ARHGEF3: variants seen among roughly 807,000 people sequenced by gnomAD.
The protein encoded by ARHGEF3 is 59.8 kDA protein.
Under a neutral mutation model 63.2 loss-of-function variants are expected in ARHGEF3, and 28 were observed. That is an observed-to-expected ratio of 0.44 (90% CI 0.33 to 0.61). The LOEUF (loss-of-function observed/expected upper bound fraction) is 0.61. ARHGEF3 is among the 20% of genes least tolerant of loss of function. The probability of loss-of-function intolerance (pLI) is 0.03; values close to 1 mark genes in which losing one functional copy is unlikely to be tolerated. For synonymous variants in ARHGEF3, 266 were observed against 254.2 expected (o/e 1.05, Z -0.44); for missense variants, 533 against 659.3 (o/e 0.81, Z 2.10).
At chr3:57,031,833 A>G (rs1703747759) in intron 2 of ARHGEF3, among the ~76,000 whole-genome samples, 1 of 152,190 alleles carries the variant, frequency 6.6e-6, no homozygotes, top group Admixed American at 6.5e-5. Flanking sequence ...AAAGAGCCAG[A>G]GCCAGACCCT....
chr3:56,809,244 A>C (rs1365312917), intron 4 of ARHGEF3, among the ~76,000 whole-genome samples: 3 of 152,214 alleles, frequency 2.0e-5, no homozygotes, highest in Admixed American at 1.3e-4. Context: ...AGGGGACAGA[A>C]AACTGTCTTA....
chr3:57,013,945 A>T (rs771798892), intron 2 of ARHGEF3, among the ~76,000 whole-genome samples: 2 of 152,150 alleles, frequency 1.3e-5, no homozygotes, highest in Admixed American at 6.5e-5. Context: ...GTCAATTTCC[A>T]CTCTGGGGAA....
intron 3 of ARHGEF3, among the ~76,000 whole-genome samples, chr3:56,943,213 A>G (rs73086374): frequency 0.12 from 17,561 of 152,252 alleles, 1,274 homozygotes; most frequent in East Asian, 0.25. Flanking sequence ...CTTGGCTTCA[A>G]AGCTTCAAAG....
At chr3:56,857,677 A>G (rs2039932109) in intron 4 of ARHGEF3, among the ~76,000 whole-genome samples, 1 of 152,222 alleles carries the variant, frequency 6.6e-6, no homozygotes, top group Non-Finnish European at 1.5e-5. Context: ...ATAACACCAA[A>G]GAAGCGGGGA....
At chr3:57,014,372 C>T (rs1175804314) in intron 2 of ARHGEF3, among the ~76,000 whole-genome samples, 3 of 152,178 alleles carry the variant, frequency 2.0e-5, no homozygotes, top group Non-Finnish European at 2.9e-5. Flanking sequence ...CAGCACCTTC[C>T]TTCCAAACCA....
chr3:56,914,370 C>A (rs897881408), intron 3 of ARHGEF3, among the ~76,000 whole-genome samples: 1 of 152,162 alleles, frequency 6.6e-6, no homozygotes, highest in Admixed American at 6.5e-5. Flanking sequence ...CAACCCAAGG[C>A]CCATCCAAGG....
chr3:56,889,702 A>G (rs1203444943), intron 3 of ARHGEF3, among the ~76,000 whole-genome samples: 6 of 152,238 alleles, frequency 3.9e-5, no homozygotes, highest in East Asian at 1.9e-4. Flanking sequence ...CTCTTTGTAC[A>G]TTGTTTAAAA....
intron 2 of ARHGEF3, among the ~76,000 whole-genome samples, chr3:56,768,847 G>A (rs1244402045): frequency 6.6e-6 from 1 of 152,202 alleles, no homozygotes; most frequent in Non-Finnish European, 1.5e-5. Context: ...GGCTGAGACT[G>A]ACAGAGATGC....
At chr3:56,804,876 C>T (rs2037804630), upstream of ARHGEF3, among the ~76,000 whole-genome samples, 1 of 152,200 alleles carries the variant, frequency 6.6e-6, no homozygotes, top group Admixed American at 6.5e-5. Context: ...CAGCCAAAGG[C>T]AGGGCCAGAG....
intron 3 of ARHGEF3, among the ~76,000 whole-genome samples, chr3:56,931,743 C>G (rs761933932): frequency 3.9e-5 from 6 of 152,132 alleles, no homozygotes; most frequent in African/African-American, 1.4e-4. Context: ...AAAGTACTGT[C>G]CCAAGCAAGC....
intron 1 of ARHGEF3, among the ~76,000 whole-genome samples, chr3:57,043,237 C>CTCCT (rs1453761618): frequency 2.0e-5 from 3 of 152,044 alleles, no homozygotes; most frequent in Admixed American, 6.5e-5. Context: ...CTGCCTCAGC[C>CTCCT]TCCTGAGTAG....
chr3:56,916,021 A>G (rs937693227), intron 3 of ARHGEF3, among the ~76,000 whole-genome samples: 2 of 152,126 alleles, frequency 1.3e-5, no homozygotes, highest in African/African-American at 2.4e-5. Flanking sequence ...CACTTATGCT[A>G]AAGGAGGCCC....
intron 4 of ARHGEF3, among the ~76,000 whole-genome samples, chr3:56,833,509 GCTCC>G (rs2038998107): frequency 6.6e-6 from 1 of 152,070 alleles, no homozygotes; most frequent in Non-Finnish European, 1.5e-5. Flanking sequence ...TTGTTTTTGA[GCTCC>G]CTCCATGTTG....
intron 2 of ARHGEF3, among the ~76,000 whole-genome samples, chr3:56,773,158 G>T (rs989543967): frequency 3.9e-5 from 6 of 152,182 alleles, no homozygotes; most frequent in African/African-American, 1.4e-4. Context: ...GATGGGCATG[G>T]CTATGTTCCA....
At chr3:56,882,579 T>C (rs2040806735) in intron 3 of ARHGEF3, among the ~76,000 whole-genome samples, 1 of 146,312 alleles carries the variant, frequency 6.8e-6, no homozygotes, top group Non-Finnish European at 1.5e-5. Context: ...GGTGCGGTGG[T>C]CTGATCTTGG....
At chr3:57,006,909 C>A (rs754942002) in intron 2 of ARHGEF3, among the ~76,000 whole-genome samples, 16 of 152,166 alleles carry the variant, frequency 1.1e-4, no homozygotes, top group Non-Finnish European at 2.1e-4. Context: ...GATGGCACAA[C>A]CCTGCTTAGG....
chr3:56,761,523 A>G (rs903133064), intron 2 of ARHGEF3, among the ~76,000 whole-genome samples: 6 of 152,056 alleles, frequency 3.9e-5, no homozygotes, highest in Non-Finnish European at 8.8e-5. Context: ...ATAGAAGGTA[A>G]ACTCCTTGAA....
chr3:56,741,663 C>T (rs1264612634), intron 7 of ARHGEF3, among the ~76,000 whole-genome samples: 1 of 151,814 alleles, frequency 6.6e-6, no homozygotes, highest in African/African-American at 2.4e-5. Context: ...GCCACCACGC[C>T]CAGCTAATTT....
At chr3:56,774,463 C>T (rs2036181655) in intron 1 of ARHGEF3, among the ~76,000 whole-genome samples, 1 of 152,188 alleles carries the variant, frequency 6.6e-6, no homozygotes, top group South Asian at 2.1e-4. Context: ...ACATCGGTTT[C>T]TATACTATAT....
Sources: gnomAD v4.1 joint callset for allele counts (sites outside exome capture counted in the v4.1 genomes callset) on GRCh38, gnomAD v4.1.1 for gene constraint, MANE v1.5 for transcripts, NCBI Gene and HGNC (gene_info 2026-07-23, HGNC 2026-07-21) for gene names.